The following ABCA9 variants were observed in gnomAD, a reference collection of about 807,000 sequenced individuals.
ABCA9 encodes ATP binding cassette subfamily A member 9.
ABCA9 carries 183 observed loss-of-function variants against 205.3 expected under a neutral mutation model. The ratio of observed to expected loss-of-function variants is 0.89; its 90% CI spans 0.79 to 1.01. The LOEUF (loss-of-function observed/expected upper bound fraction) is 1.01. Ranked by LOEUF, ABCA9 falls within the 50% of genes least tolerant of loss-of-function variation. The pLI, the probability that ABCA9 is intolerant of heterozygous loss-of-function variation, is 0.00. For synonymous variants in ABCA9, 651 were observed against 683.3 expected (o/e 0.95, Z 0.74); for missense variants, 1,805 against 1,912.4 (o/e 0.94, Z 1.05).
intron 31 of ABCA9, among the ~76,000 whole-genome samples, chr17:68,987,757 TG>T (rs1467709510): frequency 7.7e-4 from 68 of 88,776 alleles, no homozygotes; most frequent in African/African-American, 1.2e-3. Context: ...TTTGTTTGTT[TG>T]TTTGTTTGTT....
chr17:69,072,484 T>C, the ABCA9 span, among the ~76,000 whole-genome samples: 2 of 152,084 alleles, frequency 1.3e-5, no homozygotes, highest in South Asian at 4.1e-4. Flanking sequence ...GAATTTCATA[T>C]CCAGCCAAAA....
At chr17:69,055,322 T>G (rs886593249) in intron 1 of ABCA9, among the ~76,000 whole-genome samples, 2 of 152,154 alleles carry the variant, frequency 1.3e-5, no homozygotes, top group Non-Finnish European at 2.9e-5. Flanking sequence ...TGGACCATGC[T>G]AACAATAATC....
intron 6 of ABCA9, 163 bp downstream of exon 6, chr17:69,043,326 C>T: frequency 1.8e-6 from 1 of 565,866 alleles, no homozygotes; most frequent in South Asian, 2.4e-5. Context: ...GCTTTGCTCA[C>T]TTGCCTGCCA....
intron 26 of ABCA9, among the ~76,000 whole-genome samples, chr17:68,993,751 T>C (rs1163438890): frequency 6.6e-6 from 1 of 152,248 alleles, no homozygotes; most frequent in African/African-American, 2.4e-5. Context: ...CATTGGATGA[T>C]GTGCACGACC....
chr17:69,019,857 A>G (rs1454092602), intron 19 of ABCA9: 1 of 152,648 alleles, frequency 6.6e-6, no homozygotes, highest in Non-Finnish European at 1.5e-5. Context: ...CAGTCTTCCA[A>G]CTACAACATT....
In ABCA9 at chr17:69,045,290, C is replaced by T; in HGVS notation, c.351G>A (p.Leu117=). 6.2e-7 allele frequency: 1 copy of T among 1,611,212 alleles called. No homozygotes were observed. Among genetic ancestry groups the T allele is most frequent in the Non-Finnish European group, 8.5e-7 (1 of 1,178,668 alleles). The change falls in exon 4 of 39, where the codon TTG becomes TTA. Residue 117 remains leucine (L), a synonymous_variant. Transcript: ENST00000340001. ...GWPDEKSMDE[L]DLNYSIDAVR... is the part of the protein sequence containing the mutation. ...CTGCGTCTATTGAATAGTTCAAATC[C>T]AATTCATCCATGCTTTTTTCATCAG...
chr17:69,028,700 C>T, intron 11 of ABCA9, 55 bp from the exon 12 acceptor site: 2 of 1,072,574 alleles, frequency 1.9e-6, no homozygotes, highest in South Asian at 1.9e-5. Context: ...ACTTTACAGT[C>T]TCTGAAACTG....
chr17:69,048,706 A>G (rs1304239050), intron 3 of ABCA9, among the ~76,000 whole-genome samples: 1 of 152,214 alleles, frequency 6.6e-6, no homozygotes, highest in Admixed American at 6.5e-5. Context: ...TTCAGTTGCG[A>G]TTCTCAAATT....
chr17:69,069,585 C>T, the ABCA9 span, among the ~76,000 whole-genome samples: 1 of 151,792 alleles, frequency 6.6e-6, no homozygotes, highest in African/African-American at 2.4e-5. Context: ...ATTGGTGATG[C>T]AGTACACAGT....
rs1328490141 is a variant in ABCA9 at position 69,023,416 on chromosome 17, A to G, written c.2281+798T>C. Reference sequence around the variant, plus strand: ...ATAGTACTATAACCTGTTAAGGATTATAGAGCTAATAATAGCATAGCTGGT... The same window carrying G: ...ATAGTACTATAACCTGTTAAGGATTGTAGAGCTAATAATAGCATAGCTGGT... On this transcript the variant is annotated intron_variant, in intron 17 of 38. Transcript: ENST00000340001. This position sits in a 1 kb window ranked among gnomAD's most constrained non-coding sequence, Gnocchi z 4.2. 1.3e-5 allele frequency among the ~76,000 whole-genome samples: 2 copies of G among 152,242 alleles called. No homozygotes were observed. Among genetic ancestry groups the G allele is most frequent in the Non-Finnish European group, 2.9e-5 (2 of 68,044 alleles).
intron 3 of ABCA9, among the ~76,000 whole-genome samples, chr17:69,047,875 G>A (rs534087715): frequency 6.6e-6 from 1 of 152,112 alleles, no homozygotes; most frequent in Non-Finnish European, 1.5e-5. Context: ...TTTGTTCGTG[G>A]CTCAGCCTCT....
intron 30 of ABCA9, 100 bp from the exon 31 acceptor site, chr17:68,989,218 G>A (rs1365918742): frequency 4.6e-6 from 3 of 647,552 alleles, no homozygotes; most frequent in African/African-American, 3.6e-5. Flanking sequence ...TGTGAAATGT[G>A]CTATATATAT....
intron 6 of ABCA9, among the ~76,000 whole-genome samples, chr17:69,038,054 T>A (rs1226320144): frequency 6.6e-6 from 1 of 151,926 alleles, no homozygotes; most frequent in Non-Finnish European, 1.5e-5. Context: ...AATAACAAGT[T>A]CTGAATTGAG....
At chr17:69,062,078 T>C (rs1446514040), upstream of ABCA9, among the ~76,000 whole-genome samples, 4 of 151,992 alleles carry the variant, frequency 2.6e-5, no homozygotes, top group Non-Finnish European at 5.9e-5. Flanking sequence ...GATCCAGAAG[T>C]TGCTCAGCAA....
intron 23 of ABCA9, among the ~76,000 whole-genome samples, chr17:69,009,925 C>T (rs1191134146): frequency 6.6e-6 from 1 of 152,046 alleles, no homozygotes; most frequent in Non-Finnish European, 1.5e-5. Context: ...ATGTCCCATG[C>T]AATATCTGGA....
At chr17:69,012,348 TGTAAG>T (rs1257936827) in intron 22 of ABCA9, 1 of 324,078 alleles carries the variant, frequency 3.1e-6, no homozygotes, top group Non-Finnish European at 5.6e-6. Context: ...GTTAATAACT[TGTAAG>T]GTAGGCATGA....
At chr17:68,978,087 A>G (rs1023900037) in intron 37 of ABCA9, among the ~76,000 whole-genome samples, 17 of 152,230 alleles carry the variant, frequency 1.1e-4, no homozygotes, top group African/African-American at 3.9e-4. Flanking sequence ...TGCCATTATT[A>G]TTGTGTGGGA....
At chr17:69,035,016 T>C (rs2071285820) in intron 8 of ABCA9, 1 of 322,746 alleles carries the variant, frequency 3.1e-6, no homozygotes, top group Admixed American at 4.9e-5. Context: ...GACAACCAAT[T>C]AGAAGTAGAA....
In ABCA9 at chr17:69,027,781, T is replaced by G. The variant is rs1479476967; in HGVS notation, c.1650A>C (p.Arg550Ser). The G allele has an allele frequency of 4.3e-6, 7 of 1,612,440 alleles. No individual in the cohort carries two copies. The highest frequency in any genetic ancestry group is 5.9e-6 in the Non-Finnish European group (7 of 1,179,332). Residue 550 changes from arginine (R) to serine (S), a missense_variant, in exon 13 of 39, where the codon AGA becomes AGC. Arg to Ser is a moderately radical substitution (Grantham distance 110). Transcript: ENST00000340001. Reference sequence around the variant, plus strand: ...TGCTGATATTTTCTATATCAGCCATTCTTGAAAGTGTGTGATTATAGACAG... The same window carrying G: ...TGCTGATATTTTCTATATCAGCCATGCTTGAAAGTGTGTGATTATAGACAG... ...SVTVYNHTLS[R>S]MADIENISKF...
Sources: gnomAD v4.1 joint callset for allele counts (sites outside exome capture counted in the v4.1 genomes callset) on GRCh38, gnomAD v4.1.1 for gene constraint, Gnocchi (gnomAD v3.1) non-coding constraint, MANE v1.5 for transcripts, NCBI Gene and HGNC (gene_info 2026-07-23, HGNC 2026-07-21) for gene names.